Variants in ARHGAP23 observed in about 807,000 individuals in gnomAD.
ARHGAP23 encodes rho GTPase-activating protein 23.
In ARHGAP23, 34 loss-of-function variants were observed where a neutral mutation model predicts 136.3. The observed-to-expected ratio is 0.25, with a 90% CI of 0.19 to 0.33. The LOEUF (loss-of-function observed/expected upper bound fraction) is 0.33. ARHGAP23 is among the 10% of genes least tolerant of loss of function. The pLI, the probability that ARHGAP23 is intolerant of heterozygous loss-of-function variation, is 1.00. For synonymous variants in ARHGAP23, 832 were observed against 920.5 expected (o/e 0.90, Z 1.74); for missense variants, 1,808 against 2,139.0 (o/e 0.85, Z 3.05).
Position 38,486,100 on chromosome 17 carries a change from G to A in ARHGAP23, c.2946G>A (p.Lys982=). 6.4e-7 allele frequency: 1 copy of A among 1,551,478 alleles called. No individual in the cohort carries two copies. Residue 982 remains lysine, a synonymous_variant, in exon 17 of 24, where the codon AAG becomes AAA. Coordinates refer to ENST00000622683, the MANE Select transcript of ARHGAP23 (RefSeq NM_001199417.2). The part of the protein sequence containing the change: ...QDLNVISSLL[K]SFFRKLPEPL... ...TCAATGTGATCAGCAGCCTGCTCAA[G>A]TCCTTCTTCCGAAAGCTGCCCGAGC...
At chr17:38,424,454 C>A (rs1037745323), upstream of ARHGAP23, among the ~76,000 whole-genome samples, 1 of 152,254 alleles carries the variant, frequency 6.6e-6, no homozygotes, top group East Asian at 1.9e-4. Flanking sequence ...CACCCACTGG[C>A]CCCCGAGGCT....
rs2144837301 is a variant in ARHGAP23, at chr17:38,511,115, G to A, written c.*143G>A. ...GGCGCAGCAGGCAGTGTCTCTAGTT[G>A]GTGTGCTGGAACTGGCAGGGCAGAG... On this transcript the variant is annotated 3_prime_UTR_variant, in exon 24 of 24. Transcript: ENST00000622683. 1 of 906,984 alleles carries A rather than the reference G, an allele frequency of 1.1e-6. No homozygotes were observed. The highest frequency in any genetic ancestry group is 1.8e-5 in the African/African-American group (1 of 56,276). The allele number at this position is 906,984 out of a possible 1,614,324, so 56.2% of individuals were successfully genotyped here.
chr17:38,436,472 C>T (rs1357137274), intron 1 of ARHGAP23, among the ~76,000 whole-genome samples: 2 of 152,218 alleles, frequency 1.3e-5, no homozygotes, highest in Non-Finnish European at 2.9e-5. Flanking sequence ...GCCCTGATCC[C>T]AGCATGGGAG....
intron 1 of ARHGAP23, among the ~76,000 whole-genome samples, chr17:38,435,781 A>C (rs1367697530): frequency 6.6e-6 from 1 of 152,088 alleles, no homozygotes; most frequent in Non-Finnish European, 1.5e-5. Flanking sequence ...TTGTATTTTT[A>C]GTAGAGATGG....
chr17:38,444,504 A>C (rs898620498), intron 1 of ARHGAP23, among the ~76,000 whole-genome samples: 2 of 152,180 alleles, frequency 1.3e-5, no homozygotes, highest in African/African-American at 4.8e-5. Context: ...GTTTCTGCCA[A>C]GAAAACTCTT....
rs954800610 is a variant in ARHGAP23, at chr17:38,466,662, C to G, written c.979C>G (p.Arg327Gly). Residue 327 changes from arginine to glycine, a missense_variant, in exon 7 of 24, where the codon CGC becomes GGC. Transcript: ENST00000622683. Reference protein sequence around the residue: ...QDRLEEVAAPRPWPCSTSQDA... With the variant: ...QDRLEEVAAPGPWPCSTSQDA... ...CCGGTTGGAGGAGGTGGCTGCCCCC[C>G]GCCCGTGGCCCTGCTCCACCTCCCA... The G allele has an allele frequency of 6.0e-6, 9 of 1,511,722 alleles. No individual in the cohort carries two copies. The South Asian group carries it at 6.4e-5, about 11-fold the overall frequency. 93.6% of individuals were successfully genotyped at this position (1,511,722 alleles called of 1,614,324 possible). A position where few individuals can be genotyped will look rare whatever the true frequency, so the allele number is the denominator to read the frequency against.
intron 11 of ARHGAP23, among the ~76,000 whole-genome samples, chr17:38,472,292 C>A (rs2039778599): frequency 6.6e-6 from 1 of 152,166 alleles, no homozygotes; most frequent in Admixed American, 6.5e-5. Context: ...GACAGGCCAT[C>A]CTGAAGATGG....
At chr17:38,451,033 C>T (rs2039150923) in intron 1 of ARHGAP23, 2 of 152,244 alleles carry the variant, frequency 1.3e-5, no homozygotes, top group African/African-American at 4.8e-5. Context: ...GGCAGGAAGG[C>T]TTGGAATAGA....
chr17:38,440,613 C>T (rs1214828084), intron 1 of ARHGAP23, among the ~76,000 whole-genome samples: 1 of 152,188 alleles, frequency 6.6e-6, no homozygotes, highest in East Asian at 1.9e-4. Context: ...TCACTGGCCC[C>T]CCTAGCCCGG....
At position 38,510,774 on chromosome 17, in the gene ARHGAP23, C is replaced by T. The variant is rs1177674330; in HGVS notation, c.4278C>T (p.Gly1426=). Residue 1426 remains glycine (G), a synonymous_variant, in exon 24 of 24, where the codon GGC becomes GGT. Transcript: ENST00000622683. This position sits in a 1 kb window ranked among gnomAD's most constrained non-coding sequence, Gnocchi z 4.6. The stretch of plus-strand genomic sequence containing the variant: ...ACTTCAACGAGTGGAAGGAGCTGGG[C>T]GGAGGGGGCCCCCCGGAGCCTGCGG... ...DLNFNEWKEL[G]GGGPPEPAGA... is the part of the protein sequence containing the mutation. 88 of 1,496,838 alleles carry T rather than the reference C, an allele frequency of 5.9e-5. No individual in the cohort carries two copies. The highest frequency in any genetic ancestry group is 7.6e-5 in the Non-Finnish European group (86 of 1,125,580). The allele number at this position is 1,496,838 out of a possible 1,614,324, so 92.7% of individuals were successfully genotyped here. A position where few individuals can be genotyped will look rare whatever the true frequency, so the allele number is the denominator to read the frequency against.
At chr17:38,423,520 C>T (rs1402805267), upstream of ARHGAP23, among the ~76,000 whole-genome samples, 2 of 151,788 alleles carry the variant, frequency 1.3e-5, no homozygotes, top group Non-Finnish European at 2.9e-5. Flanking sequence ...TACAGGCGCA[C>T]ACCACCACGC....
chr17:38,429,032 T>C (rs903329057), intron 1 of ARHGAP23, among the ~76,000 whole-genome samples: 1 of 152,030 alleles, frequency 6.6e-6, no homozygotes, highest in Non-Finnish European at 1.5e-5. Flanking sequence ...GGACACCCCC[T>C]CCCCGCGCCA....
In ARHGAP23 at chr17:38,511,118, G is replaced by A; in HGVS notation, c.*146G>A. The A allele has an allele frequency of 1.1e-6, 1 of 879,026 alleles. No individual in the cohort carries two copies. Among genetic ancestry groups the A allele is most frequent in the Non-Finnish European group, 1.6e-6 (1 of 629,230 alleles). The allele number at this position is 879,026 out of a possible 1,614,324, so 54.5% of individuals were successfully genotyped here. On this transcript the variant is annotated 3_prime_UTR_variant, in exon 24 of 24. Coordinates refer to ENST00000622683, the MANE Select transcript of ARHGAP23 (RefSeq NM_001199417.2). ...GCAGCAGGCAGTGTCTCTAGTTGGTGTGCTGGAACTGGCAGGGCAGAGGAG... is the reference window on the plus strand; with the variant it reads ...GCAGCAGGCAGTGTCTCTAGTTGGTATGCTGGAACTGGCAGGGCAGAGGAG...
At chr17:38,463,460 G>A in intron 6 of ARHGAP23, 78 bp downstream of exon 6, 1 of 1,510,268 alleles carries the variant, frequency 6.6e-7, no homozygotes, top group Non-Finnish European at 9.0e-7. Flanking sequence ...GGCAGAGAAG[G>A]AAGTGTTTGG....
Position 38,510,101 on chromosome 17 carries a change from C to G in ARHGAP23, c.3605C>G (p.Ala1202Gly). The G allele has an allele frequency of 8.0e-7, 1 of 1,244,998 alleles. No individual in the cohort carries two copies. The highest frequency in any genetic ancestry group is 1.0e-6 in the Non-Finnish European group (1 of 997,954). The allele number at this position is 1,244,998 out of a possible 1,614,324, so 77.1% of individuals were successfully genotyped here. The change falls in exon 24 of 24, where the codon GCG (alanine) becomes GGG (glycine). Residue 1202 changes from alanine to glycine, a missense_variant. Coordinates refer to ENST00000622683, the MANE Select transcript of ARHGAP23 (RefSeq NM_001199417.2). The surrounding 1 kb of genome is among the most constrained non-coding windows in gnomAD (Gnocchi z 4.6). ...DSEQEAHKPG[A>G]GATAPGTQER... ...GAGCAGGAGGCGCACAAGCCTGGGG[C>G]GGGGGCCACAGCGCCGGGGACTCAG...
chr17:38,494,153 C>T (rs958154118), intron 20 of ARHGAP23, among the ~76,000 whole-genome samples: 1 of 152,162 alleles, frequency 6.6e-6, no homozygotes, highest in African/African-American at 2.4e-5. Flanking sequence ...GGGGGATTGA[C>T]GGCAGTGGCT....
In ARHGAP23 at chr17:38,498,380, G is replaced by A. The variant is rs886118390; in HGVS notation, c.3319-34G>A. The A allele has an allele frequency of 4.0e-6, 6 of 1,510,968 alleles. No homozygotes were observed. The African/African-American group carries it at 8.3e-5, about 21-fold the overall frequency. 93.6% of individuals were successfully genotyped at this position (1,510,968 alleles called of 1,614,324 possible). On this transcript the variant is annotated intron_variant, in intron 21 of 23. Transcript: ENST00000622683. Reference sequence around the variant, plus strand: ...GGGGGGTTGGCAGCCCAGCATCTGAGGGCATGCCAGCTGACCCCTCCTCCT... The same window carrying A: ...GGGGGGTTGGCAGCCCAGCATCTGAAGGCATGCCAGCTGACCCCTCCTCCT...
At chr17:38,494,649 C>T (rs532820730) in intron 20 of ARHGAP23, among the ~76,000 whole-genome samples, 38 of 152,290 alleles carry the variant, frequency 2.5e-4, no homozygotes, top group South Asian at 1.0e-3. Context: ...GTAAGAGCTG[C>T]GTCTCTTTGT....
intron 1 of ARHGAP23, among the ~76,000 whole-genome samples, chr17:38,445,668 T>C (rs1054033961): frequency 2.6e-5 from 4 of 151,980 alleles, no homozygotes; most frequent in Middle Eastern, 3.4e-3. Flanking sequence ...AGGGTCTTGC[T>C]TTGTCACCCA....
Sources: gnomAD v4.1 joint callset for allele counts (sites outside exome capture counted in the v4.1 genomes callset) on GRCh38, gnomAD v4.1.1 for gene constraint, Gnocchi (gnomAD v3.1) non-coding constraint, MANE v1.5 for transcripts, NCBI Gene and HGNC (gene_info 2026-07-23, HGNC 2026-07-21) for gene names.